The following XG variants were observed in gnomAD, a reference collection of about 807,000 sequenced individuals.
XG encodes Xg glycoprotein (Xg blood group), also known as glycoprotein Xg.
In XG, 24 loss-of-function variants were observed where a neutral mutation model predicts 25.7. The ratio of observed to expected loss-of-function variants is 0.93; its 90% CI spans 0.68 to 1.31. The LOEUF is 1.31. XG is among the 40% of genes most tolerant of loss of function. The pLI is 0.00. For synonymous variants in XG, 77 were observed against 69.2 expected, an observed-to-expected ratio of 1.11 and a Z score of -0.56; for missense variants, 181 against 187.6, an observed-to-expected ratio of 0.96 and a Z score of 0.21.
intron 1 of XG, among the ~76,000 whole-genome samples, chrX:2,760,469 C>T (rs1374108641): frequency 6.6e-6 from 1 of 151,606 alleles, no homozygotes; most frequent in African/African-American, 2.4e-5. Context: ...GGTGCGGTGG[C>T]TCATGCCTGT....
intron 1 of XG, among the ~76,000 whole-genome samples, chrX:2,764,762 C>T (rs1171623594): frequency 2.0e-5 from 3 of 151,820 alleles, no homozygotes; most frequent in Non-Finnish European, 2.9e-5. Context: ...AAAAATAGGC[C>T]GGGGGCGGTG....
intron 10 of XG, among the ~76,000 whole-genome samples, chrX:2,813,905 A>G (rs192678774): frequency 6.2e-5 from 7 of 112,688 alleles, no homozygotes; most frequent in Non-Finnish European, 1.1e-4. Context: ...TTCAAAACGA[A>G]TATTTGTTTC....
intron 1 of XG, among the ~76,000 whole-genome samples, chrX:2,758,018 C>T (rs28427303): frequency 0.061 from 9,149 of 149,042 alleles, 347 homozygotes; most frequent in African/African-American, 0.078. Context: ...TTATGATGAT[C>T]GCCTAAGGTG....
At chrX:2,805,699 T>C (rs1195695386) in intron 7 of XG, among the ~76,000 whole-genome samples, 1 of 112,136 alleles carries the variant, frequency 8.9e-6, no homozygotes, top group Admixed American at 9.4e-5. Flanking sequence ...CCCTGTGTCC[T>C]CACAGGGTCG....
At position 2,794,610 on chromosome X, in the gene XG, G is replaced by C. The variant is rs1303192728; in HGVS notation, c.322+7G>C. The stretch of plus-strand genomic sequence containing the variant: ...AGGCCACGGCCGCCTGCAGGTAGGT[G>C]CCGAGCCTCCCCAGATGCGACACAT... On this transcript the variant is annotated splice_region_variant and intron_variant, in intron 6 of 10. Transcript: ENST00000644266. The C allele has an allele frequency of 8.3e-7, 1 of 1,208,786 alleles. No homozygotes were observed. Among genetic ancestry groups the C allele is most frequent in the Non-Finnish European group, 1.1e-6 (1 of 894,611 alleles).
At chrX:2,809,189 G>C (rs2087031540) in intron 9 of XG, among the ~76,000 whole-genome samples, 1 of 111,225 alleles carries the variant, frequency 9.0e-6, no homozygotes, top group Non-Finnish European at 1.9e-5. Context: ...GGTAGAGCTG[G>C]ATACACACGT....
chrX:2,774,974 C>G, intron 3 of XG: 1 of 575,004 alleles, frequency 1.7e-6, no homozygotes, highest in Admixed American at 3.0e-5. Context: ...TGGAAAATAA[C>G]AAGTGTTGGC....
intron 1 of XG, among the ~76,000 whole-genome samples, chrX:2,769,162 G>T (rs1029000894): frequency 6.6e-6 from 1 of 152,244 alleles, no homozygotes. Flanking sequence ...TCTGACTGGA[G>T]CCATGCCACA....
rs201634559 is a variant in XG, at chrX:2,774,399, CT to C, written c.104-316del. Among the ~76,000 whole-genome samples the C allele has an allele frequency of 4.6e-3, 648 of 140,164 alleles. 6 individuals carry two copies. Among genetic ancestry groups the C allele is most frequent in the South Asian group, 0.025 (109 of 4,292 alleles). The allele number at this position is 140,164 out of a possible 152,430, so 92.0% of individuals were successfully genotyped here. A position where few individuals can be genotyped will look rare whatever the true frequency, so the allele number is the denominator to read the frequency against. ...TCTCCTTCTTTTCTTTTGCCTCCCC[CT>C]GCCTCACCCTCCACCGTCCAGCCCT... is the stretch of plus-strand genomic sequence containing the variant. On this transcript the variant is annotated intron_variant, in intron 2 of 10. Transcript: ENST00000644266.
In XG at chrX:2,770,474, C is replaced by A. The variant is rs1211037397; in HGVS notation, c.62-76C>A. ...CCCTAGGCTTGCAGGAGGAGGGGAG[C>A]AGCATGAGGTGAGGAACAAGGGGGA... On this transcript the variant is annotated intron_variant, in intron 1 of 10. Coordinates refer to ENST00000644266, the MANE Select transcript of XG (RefSeq NM_001141919.2). The A allele has an allele frequency of 3.9e-6, 6 of 1,556,870 alleles. No individual in the cohort carries two copies. In the Admixed American group the frequency reaches 6.7e-5, roughly 17 times the overall value.
intron 9 of XG, among the ~76,000 whole-genome samples, chrX:2,810,264 G>A (rs575143336): frequency 1.7e-4 from 19 of 111,878 alleles, no homozygotes; most frequent in South Asian, 1.5e-3. Flanking sequence ...AAATGGAAAC[G>A]GTGATTTCTT....
chrX:2,772,721 A>G (rs2050847006), intron 2 of XG, among the ~76,000 whole-genome samples: 1 of 152,204 alleles, frequency 6.6e-6, no homozygotes, highest in African/African-American at 2.4e-5. Flanking sequence ...TTTCACATTA[A>G]TTTTTTAAAA....
rs187273438 is a variant in XG at position 2,804,195 on chromosome X, A to T, written c.374-2506A>T. ...TAATTTGTTAGTCCTACAAAGTCCA[A>T]CTGGTCCCCAGGCAAGAAGGAGGTG... On this transcript the variant is annotated intron_variant, in intron 7 of 10. Transcript: ENST00000644266. Among the ~76,000 whole-genome samples, 7 of 112,360 alleles carry T rather than the reference A, an allele frequency of 6.2e-5. No individual in the cohort carries two copies. In the East Asian group the frequency reaches 2.0e-3, roughly 31 times the overall value.
intron 4 of XG, among the ~76,000 whole-genome samples, chrX:2,785,470 A>G (rs1409873601): frequency 9.1e-5 from 10 of 109,566 alleles, no homozygotes; most frequent in Non-Finnish European, 1.7e-4. Flanking sequence ...ATTTTTTTGT[A>G]GCTATCTTAT....
chrX:2,776,772 C>T (rs2857320), intron 3 of XG, among the ~76,000 whole-genome samples: 50,017 of 151,738 alleles, frequency 0.33, 6,547 homozygotes, highest in African/African-American at 0.52. Flanking sequence ...GGCGTGAACC[C>T]GGGAGGCGGA....
At chrX:2,798,376 T>C (rs1237280833) in intron 7 of XG, among the ~76,000 whole-genome samples, 1 of 104,887 alleles carries the variant, frequency 9.5e-6, no homozygotes, top group African/African-American at 3.5e-5. Flanking sequence ...TTTCTTTTTT[T>C]TTTTTTTTTT....
At chrX:2,801,799 C>T (rs1683999) in intron 7 of XG, among the ~76,000 whole-genome samples, 54,921 of 109,601 alleles carry the variant, frequency 0.5, 10,843 homozygotes, top group Admixed American at 0.67. Context: ...AGCTCCGCCT[C>T]CCGGGTTCAC....
rs1362391688 is a variant in XG, at chrX:2,752,238, G to T, written c.-37G>T. ...CCGGGTCTCACAATCCGCTTGGCTG[G>T]GGAGTCCACTGAGGTTCTTGCATCC... On this transcript the variant is annotated 5_prime_UTR_variant, in exon 1 of 11. Transcript: ENST00000644266. 1 of 1,613,500 alleles carries T rather than the reference G, an allele frequency of 6.2e-7. No homozygotes were observed.
intron 1 of XG, among the ~76,000 whole-genome samples, chrX:2,760,936 C>T (rs2050552274): frequency 6.6e-6 from 1 of 152,066 alleles, no homozygotes; most frequent in South Asian, 2.1e-4. Context: ...CAGCCCTGCC[C>T]ACACCTTGAT....
Sources: gnomAD v4.1 joint callset for allele counts (sites outside exome capture counted in the v4.1 genomes callset) on GRCh38, gnomAD v4.1.1 for gene constraint, MANE v1.5 for transcripts, NCBI Gene and HGNC (gene_info 2026-07-23, HGNC 2026-07-21) for gene names.